The following L1CAM variants were observed in gnomAD, a reference collection of about 807,000 sequenced individuals.
L1CAM encodes neural cell adhesion molecule L1.
In L1CAM, 8 loss-of-function variants were observed where a neutral mutation model predicts 93.0. The ratio of observed to expected loss-of-function variants is 0.09; its 90% confidence interval spans 0.05 to 0.16. The LOEUF (loss-of-function observed/expected upper bound fraction) is 0.16, where lower values mean the gene tolerates loss of function less well. Among genes scored for constraint, L1CAM ranks in the 10% least tolerant of loss-of-function variants. The pLI, the probability that L1CAM is intolerant of heterozygous loss-of-function variation, is 1.00. For missense variants in L1CAM, 777 were observed against 1,073.4 expected (o/e 0.72, Z 3.86); for synonymous variants, 453 against 453.0 (o/e 1.00, Z 0.00).
Position 153,865,307 on chromosome X carries a change from G to A in L1CAM, c.2741C>T (p.Pro914Leu). 8.3e-7 allele frequency: 1 copy of A among 1,210,557 alleles called. No homozygotes were observed. The highest frequency in any genetic ancestry group is 1.1e-6 in the Non-Finnish European group (1 of 894,821). ...GPASEFTFST[P>L]EGVPGHPEAL... ...TGGGGTGCAGGACTCACCTCCCTCT[G>A]GGGTGCTGAAGGTGAACTCGCTGGC... Residue 914 changes from proline to leucine, a missense_variant, in exon 21 of 29, where the codon CCA (proline) becomes CTA (leucine). Pro to Leu is a moderately conservative substitution (Grantham distance 98). Transcript: ENST00000370060.
chrX:153,865,624 C>T, intron 20 of L1CAM, 80 bp downstream of exon 20: 1 of 1,005,335 alleles, frequency 9.9e-7, no homozygotes, highest in South Asian at 1.9e-5. Flanking sequence ...GAGCGGCTGG[C>T]AGGTGGCAAA....
In L1CAM at chrX:153,871,598, G is replaced by A. The variant is rs192949895; in HGVS notation, c.401-419C>T. ...CGGTTCCCAAGGTAACTGGAGGGGTGGGGAGGGGAGAGGAGAGCGCTCAGG... is the reference window on the plus strand; with the variant it reads ...CGGTTCCCAAGGTAACTGGAGGGGTAGGGAGGGGAGAGGAGAGCGCTCAGG... On this transcript the variant is annotated intron_variant, in intron 5 of 28. Coordinates refer to ENST00000370060, the MANE Select transcript of L1CAM (RefSeq NM_001278116.2). Among the ~76,000 whole-genome samples the A allele has an allele frequency of 1.4e-3, 157 of 110,416 alleles. 1 individual carries two copies. The highest frequency in any genetic ancestry group is 4.6e-3 in the African/African-American group (139 of 30,306).
chrX:153,868,567 C>T lies in L1CAM; in HGVS notation c.1540G>A (p.Val514Ile). Residue 514 changes from valine (V) to isoleucine (I), a missense_variant, in exon 13 of 29, where the codon GTT (valine) becomes ATT (isoleucine). Coordinates refer to ENST00000370060, the MANE Select transcript of L1CAM (RefSeq NM_001278116.2). ...GTGGCAAGGGTTGCCTGACCTTTAA[C>T]CTTCAGGTTAGCCATGATGGTAACA... ...NNVTIMANLKVKDATQITQGP... is the reference protein window; with the variant it reads ...NNVTIMANLKIKDATQITQGP... The T allele has an allele frequency of 8.2e-7, 1 of 1,212,319 alleles. No individual in the cohort carries two copies. Among genetic ancestry groups the T allele is most frequent in the Non-Finnish European group, 1.1e-6 (1 of 895,602 alleles).
Position 153,868,145 on chromosome X carries a change from T to C in L1CAM, c.1704-23A>G, listed in dbSNP as rs1416505714. 3.3e-6 allele frequency: 4 copies of C among 1,207,885 alleles called. No homozygotes were observed. The African/African-American group carries it at 7.0e-5, about 21-fold the overall frequency. ...TACCTGCGGAGGAGCCGTGTCTGTC[T>C]TTCCTGCCATCTGGGCTCTTCTCCC... On this transcript the variant is annotated intron_variant, in intron 14 of 28. Transcript: ENST00000370060.
intron 1 of L1CAM, among the ~76,000 whole-genome samples, chrX:153,883,485 T>C (rs2064857623): frequency 9.0e-6 from 1 of 111,119 alleles, no homozygotes; most frequent in South Asian, 3.8e-4. Context: ...ATGGGCCAGA[T>C]CAGAGCAAGT....
intron 8 of L1CAM, 64 bp from the exon 9 acceptor site, chrX:153,870,304 C>G: frequency 8.5e-7 from 1 of 1,182,189 alleles, no homozygotes; most frequent in East Asian, 3.0e-5. Context: ...ACCCCAGCCC[C>G]CTATACCCCG....
At chrX:153,884,781 G>A (rs1387921254) in intron 1 of L1CAM, among the ~76,000 whole-genome samples, 3 of 112,933 alleles carry the variant, frequency 2.7e-5, no homozygotes, top group South Asian at 3.6e-4. Flanking sequence ...AGGAGCTGAC[G>A]GGAGGGGAGA....
chrX:153,869,965 C>G (rs201652121), intron 9 of L1CAM, 31 bp from the exon 10 acceptor site: 3 of 1,208,008 alleles, frequency 2.5e-6, no homozygotes, highest in African/African-American at 3.5e-5. Context: ...GCCCTGAGCC[C>G]GCAGCCAGCA....
Position 153,864,975 on chromosome X carries a change from C to A in L1CAM, c.2892G>T (p.Gly964=), listed in dbSNP as rs781869593. 2 of 1,212,265 alleles carry A rather than the reference C, an allele frequency of 1.6e-6. No homozygotes were observed. The highest frequency in any genetic ancestry group is 4.3e-5 in the Admixed American group (2 of 46,121). The stretch of plus-strand genomic sequence containing the variant: ...GGTCCCGAAGGTTGAAGGACAGTTG[C>A]CCCTTGCCCCCCTCATCCACTGTGG... ...SYHPLDEGGK[G]QLSFNLRDPE... is the part of the protein sequence containing the mutation. Residue 964 remains glycine (G), a synonymous_variant, in exon 23 of 29, where the codon GGG becomes GGT. Transcript: ENST00000370060.
At position 153,881,649 on chromosome X, in the gene L1CAM, G is replaced by C. The variant is rs12012901; in HGVS notation, c.-109+4416C>G. ...TCCCTTTTGGGCTTGGGGACAGGCTGGTTTCTTGGTCCCCTCTTCTGCTCT... is the reference window on the plus strand; with the variant it reads ...TCCCTTTTGGGCTTGGGGACAGGCTCGTTTCTTGGTCCCCTCTTCTGCTCT... On this transcript the variant is annotated intron_variant, in intron 1 of 28. Coordinates refer to ENST00000370060, the MANE Select transcript of L1CAM (RefSeq NM_001278116.2). 1.4e-3 allele frequency among the ~76,000 whole-genome samples: 151 copies of C among 111,420 alleles called. 1 individual carries two copies. Among genetic ancestry groups the C allele is most frequent in the African/African-American group, 4.8e-3 (147 of 30,634 alleles).
At position 153,862,838 on chromosome X, in the gene L1CAM, T is replaced by C. The variant is rs782167954; in HGVS notation, c.3599A>G (p.Lys1200Arg). 1.6e-6 allele frequency: 2 copies of C among 1,212,222 alleles called. No individual in the cohort carries two copies. Among genetic ancestry groups the C allele is most frequent in the East Asian group, 3.0e-5 (1 of 33,856 alleles). ...CAGGCTGTCGTCACTGCCCAGGGGC[T>C]TGATGTCCCCGTTGAGCGATGGCTG... is the stretch of plus-strand genomic sequence containing the variant. ...SSQPSLNGDI[K>R]PLGSDDSLAD... The change falls in exon 29 of 29, where the codon AAG becomes AGG. Residue 1200 changes from lysine (K) to arginine (R), a missense_variant. Transcript: ENST00000370060.
At chrX:153,868,785 C>A in intron 12 of L1CAM, 56 bp downstream of exon 12, 1 of 1,202,791 alleles carries the variant, frequency 8.3e-7, no homozygotes, top group East Asian at 3.0e-5. Flanking sequence ...CCTGCCCTCC[C>A]TGGCTCCCTG....
Position 153,865,770 on chromosome X carries a change from A to C in L1CAM, c.2481T>G (p.Ser827Arg). The C allele has an allele frequency of 8.3e-7, 1 of 1,211,268 alleles. No homozygotes were observed. Among genetic ancestry groups the C allele is most frequent in the Non-Finnish European group, 1.1e-6 (1 of 894,968 alleles). The stretch of plus-strand genomic sequence containing the variant: ...CCGGCCGCCACTTGACCAGCACGGC[A>C]CTTGAGTTGAGGATTTCAATGCCTT... ...ELEGIEILNS[S>R]AVLVKWRPVD... Residue 827 changes from serine to arginine, a missense_variant, in exon 20 of 29, where the codon AGT (serine) becomes AGG (arginine). Ser to Arg is a moderately radical substitution (Grantham distance 110). Around this residue, in one of 5 missense-constraint regions of L1CAM, gnomAD observed 574 missense variants for 781.0 expected, o/e 0.73. Transcript: ENST00000370060.
chrX:153,882,296 C>T (rs934734836), intron 1 of L1CAM, among the ~76,000 whole-genome samples: 1 of 110,720 alleles, frequency 9.0e-6, no homozygotes, highest in Non-Finnish European at 1.9e-5. Context: ...ACAGGGAACC[C>T]CCCTCCACTG....
At chrX:153,879,786 G>C (rs918793711) in intron 1 of L1CAM, among the ~76,000 whole-genome samples, 1 of 111,045 alleles carries the variant, frequency 9.0e-6, no homozygotes, top group Non-Finnish European at 1.9e-5. Context: ...GGTAGGAACG[G>C]GGGGAGGGGG....
chrX:153,879,488 G>A (rs1474935488), intron 1 of L1CAM, among the ~76,000 whole-genome samples: 2 of 109,112 alleles, frequency 1.8e-5, no homozygotes, highest in African/African-American at 3.4e-5. Flanking sequence ...CCTGGGGGCT[G>A]TGCCAGGCAA....
chrX:153,872,710 T>C lies in L1CAM; in HGVS notation c.92-13A>G. 8.5e-7 allele frequency: 1 copy of C among 1,171,756 alleles called. No individual in the cohort carries two copies. The highest frequency in any genetic ancestry group is 1.2e-6 in the Non-Finnish European group (1 of 860,130). On this transcript the variant is annotated splice_polypyrimidine_tract_variant and intron_variant, in intron 3 of 28. Transcript: ENST00000370060. ...GGTGGCTCCATCACTGAAGACAGGG[T>C]GGAGAGAGCGGTGGTGAGGGTGCTG... is the stretch of plus-strand genomic sequence containing the variant.
At position 153,862,625 on chromosome X, in the gene L1CAM, C is replaced by T; in HGVS notation, c.*38G>A. ...GCTGGAGAGGGAGGGGCCTGGATCCCAAGGCCAGGGGCACAGCATCTCCTG... is the reference window on the plus strand; with the variant it reads ...GCTGGAGAGGGAGGGGCCTGGATCCTAAGGCCAGGGGCACAGCATCTCCTG... On this transcript the variant is annotated 3_prime_UTR_variant, in exon 29 of 29. Transcript: ENST00000370060. 3.6e-6 allele frequency: 4 copies of T among 1,115,905 alleles called. No homozygotes were observed. The South Asian group carries it at 7.9e-5, about 22-fold the overall frequency. The allele number at this position is 1,115,905 out of a possible 1,213,427, so 92.0% of individuals were successfully genotyped here. A position where few individuals can be genotyped will look rare whatever the true frequency, so the allele number is the denominator to read the frequency against.
At chrX:153,862,982 T>G (rs1557089421) in intron 28 of L1CAM, 88 bp from the exon 29 acceptor site, 2 of 724,759 alleles carry the variant, frequency 2.8e-6, no homozygotes, top group African/African-American at 4.2e-5. Flanking sequence ...CCCGCCTGCC[T>G]TCCATTTGTT....
Sources: allele counts gnomAD v4.1 joint callset (sites outside exome capture counted in the v4.1 genomes callset), GRCh38; gene constraint gnomAD v4.1.1; regional missense constraint gnomAD v4.1.1; transcripts MANE v1.5; gene names NCBI Gene and HGNC (gene_info 2026-07-23, HGNC 2026-07-21).